The following NRG2 variants were observed in gnomAD, a reference collection of about 807,000 sequenced individuals.
NRG2 encodes the protein neuregulin 2, also known as pro-neuregulin-2, membrane-bound isoform.
In NRG2, 27 loss-of-function variants were observed where a neutral mutation model predicts 73.9. That is an observed-to-expected ratio of 0.37 (90% CI 0.27 to 0.50). The LOEUF (loss-of-function observed/expected upper bound fraction) is 0.50. Among genes scored for constraint, NRG2 ranks in the 20% least tolerant of loss-of-function variants. The probability of loss-of-function intolerance (pLI) is 0.96; values close to 1 mark genes in which losing one functional copy is unlikely to be tolerated. For missense variants in NRG2, 1,126 were observed against 1,210.1 expected (o/e 0.93, Z 1.03); for synonymous variants, 532 against 541.0 (o/e 0.98, Z 0.23).
intron 1 of NRG2, 78 bp downstream of exon 1, chr5:140,042,292 G>T: frequency 1.9e-6 from 1 of 533,662 alleles, no homozygotes; most frequent in Non-Finnish European, 2.4e-6. Context: ...GGCACCTGCA[G>T]CACCTCCCCG....
At chr5:139,919,332 C>T (rs80107345) in intron 1 of NRG2, among the ~76,000 whole-genome samples, 2,962 of 152,086 alleles carry the variant, frequency 0.019, 94 homozygotes, top group African/African-American at 0.067. Context: ...AAATGATCTT[C>T]AAGGTTTCCT....
chr5:140,006,798 C>T (rs1421725475), intron 1 of NRG2, among the ~76,000 whole-genome samples: 1 of 152,162 alleles, frequency 6.6e-6, no homozygotes, highest in Non-Finnish European at 1.5e-5. Context: ...TTTTATACTT[C>T]TCTGTTTCTT....
chr5:139,904,446 C>A lies in NRG2; in HGVS notation c.701-16935G>T, dbSNP rs771670896. On this transcript the variant is annotated intron_variant, in intron 1 of 9. Coordinates refer to ENST00000361474, the MANE Select transcript of NRG2 (RefSeq NM_004883.3). The surrounding 1 kb of genome is among the most constrained non-coding windows in gnomAD (Gnocchi z 6.0). The stretch of plus-strand genomic sequence containing the variant: ...GGACGGCCTCAGCTCTCCGCTGCCG[C>A]GCTGCGCCCCCGCCGCCTGCAGCCT... 8.6e-7 allele frequency: 1 copy of A among 1,161,578 alleles called. No individual in the cohort carries two copies. Among genetic ancestry groups the A allele is most frequent in the Non-Finnish European group, 1.2e-6 (1 of 815,334 alleles). The allele number at this position is 1,161,578 out of a possible 1,614,324, so 72.0% of individuals were successfully genotyped here.
intron 1 of NRG2, among the ~76,000 whole-genome samples, chr5:139,918,164 C>T (rs1751407548): frequency 6.6e-6 from 1 of 152,142 alleles, no homozygotes; most frequent in Non-Finnish European, 1.5e-5. Flanking sequence ...ATAAATTCCT[C>T]CTAGTAATTC....
chr5:139,938,944 AG>A (rs1561694035), intron 1 of NRG2, among the ~76,000 whole-genome samples: 44 of 142,084 alleles, frequency 3.1e-4, no homozygotes, highest in African/African-American at 1.2e-3. Context: ...AAAGAAAGAA[AG>A]AAAGAAAGAA....
intron 1 of NRG2, among the ~76,000 whole-genome samples, chr5:139,956,760 C>T (rs974865100): frequency 2.6e-5 from 4 of 152,190 alleles, no homozygotes; most frequent in Non-Finnish European, 5.9e-5. Context: ...AGGAAGCCAA[C>T]GGCTGCTCAG....
chr5:139,877,699 G>A (rs946819744), intron 3 of NRG2, among the ~76,000 whole-genome samples: 32 of 152,240 alleles, frequency 2.1e-4, no homozygotes, highest in African/African-American at 7.7e-4. Context: ...GTGCGTACTG[G>A]TTAGGTGCAC....
At chr5:139,960,391 C>T (rs1435559518) in intron 1 of NRG2, among the ~76,000 whole-genome samples, 4 of 152,002 alleles carry the variant, frequency 2.6e-5, no homozygotes, top group South Asian at 2.1e-4. Flanking sequence ...GGCACATGCC[C>T]GTAGTCCCAG....
intron 1 of NRG2, among the ~76,000 whole-genome samples, chr5:139,941,657 C>A (rs1390821558): frequency 6.6e-6 from 1 of 152,112 alleles, no homozygotes; most frequent in Non-Finnish European, 1.5e-5. Context: ...CATTACATTG[C>A]AGGTTAATTA....
intron 1 of NRG2, 75 bp downstream of exon 1, chr5:140,042,295 C>A: frequency 1.8e-6 from 2 of 1,090,596 alleles, no homozygotes; most frequent in East Asian, 7.0e-5. Flanking sequence ...ACCTGCAGCA[C>A]CTCCCCGCCC....
chr5:140,003,137 T>C (rs1342003241), intron 1 of NRG2, among the ~76,000 whole-genome samples: 1 of 152,172 alleles, frequency 6.6e-6, no homozygotes, highest in Admixed American at 6.5e-5. Context: ...TTGACCAATA[T>C]AGATCACTGA....
intron 1 of NRG2, among the ~76,000 whole-genome samples, chr5:139,960,932 C>T (rs1317257984): frequency 1.3e-5 from 2 of 152,188 alleles, no homozygotes; most frequent in African/African-American, 4.8e-5. Context: ...CAGCCTCCTG[C>T]CAGCTCCTCC....
intron 1 of NRG2, among the ~76,000 whole-genome samples, chr5:139,995,097 G>A (rs984692207): frequency 2.6e-5 from 4 of 152,166 alleles, no homozygotes; most frequent in Admixed American, 2.6e-4. Flanking sequence ...ATTAGCATTC[G>A]AATTGTAATA....
chr5:139,932,222 GT>G (rs1372810790), intron 1 of NRG2, among the ~76,000 whole-genome samples: 1 of 52,366 alleles, frequency 1.9e-5, no homozygotes, highest in African/African-American at 1.2e-4. Context: ...AGAAAATGTA[GT>G]GTGTGTGTGT....
intron 1 of NRG2, among the ~76,000 whole-genome samples, chr5:139,985,846 G>C (rs1427260392): frequency 2.0e-5 from 3 of 152,110 alleles, no homozygotes; most frequent in Non-Finnish European, 4.4e-5. Flanking sequence ...AGGTGACTCA[G>C]GGCAATTATC....
intron 1 of NRG2, among the ~76,000 whole-genome samples, chr5:140,022,086 G>T (rs1333164853): frequency 6.6e-6 from 1 of 152,128 alleles, no homozygotes; most frequent in Non-Finnish European, 1.5e-5. Flanking sequence ...TTATGCTGCA[G>T]CCTAACTAGA....
intron 1 of NRG2, among the ~76,000 whole-genome samples, chr5:139,942,428 A>G (rs1480732827): frequency 6.6e-6 from 1 of 152,238 alleles, no homozygotes; most frequent in Non-Finnish European, 1.5e-5. Context: ...ATCATTAGTT[A>G]TAACACATCT....
intron 1 of NRG2, among the ~76,000 whole-genome samples, chr5:139,953,212 T>C (rs2126472266): frequency 6.6e-6 from 1 of 152,150 alleles, no homozygotes; most frequent in South Asian, 2.1e-4. Context: ...GTGGGTCTCC[T>C]GCCCTGCAGA....
At chr5:139,962,907 C>T (rs1755188676) in intron 1 of NRG2, among the ~76,000 whole-genome samples, 1 of 152,118 alleles carries the variant, frequency 6.6e-6, no homozygotes, top group Admixed American at 6.5e-5. Context: ...AACCATGTTG[C>T]AGTTAAACAT....
Sources: gnomAD v4.1 joint callset for allele counts (sites outside exome capture counted in the v4.1 genomes callset) on GRCh38, gnomAD v4.1.1 for gene constraint, Gnocchi (gnomAD v3.1) non-coding constraint, MANE v1.5 for transcripts, NCBI Gene and HGNC (gene_info 2026-07-23, HGNC 2026-07-21) for gene names.